Variants in CHSY1 observed in about 807,000 individuals in gnomAD.
The protein encoded by CHSY1 is N-acetylgalactosaminyl-proteoglycan 3-beta-glucuronosyltransferase 1.
Under a neutral mutation model 59.8 loss-of-function variants are expected in CHSY1, and 13 were observed. The ratio of observed to expected loss-of-function variants is 0.22; its 90% CI spans 0.14 to 0.35. The LOEUF is 0.35. Ranked by LOEUF, CHSY1 falls within the 10% of genes least tolerant of loss-of-function variation. The probability of loss-of-function intolerance (pLI) is 1.00; values close to 1 mark genes in which losing one functional copy is unlikely to be tolerated. For missense variants in CHSY1, 947 were observed against 1,030.6 expected, an observed-to-expected ratio of 0.92 and a Z score of 1.11; for synonymous variants, 459 against 401.2, an observed-to-expected ratio of 1.14 and a Z score of -1.72.
At chr15:101,200,615 C>G (rs1192732964) in intron 2 of CHSY1, among the ~76,000 whole-genome samples, 2 of 152,166 alleles carry the variant, frequency 1.3e-5, no homozygotes, top group African/African-American at 2.4e-5. Flanking sequence ...GGTCAGGGAC[C>G]AGACTCTTCC....
chr15:101,211,895 A>G (rs1019012106), intron 2 of CHSY1, among the ~76,000 whole-genome samples: 4 of 151,650 alleles, frequency 2.6e-5, no homozygotes, highest in African/African-American at 7.3e-5. Flanking sequence ...CCAATCTGGA[A>G]TTCTATACCT....
chr15:101,191,682 T>C (rs1266419129), intron 2 of CHSY1, among the ~76,000 whole-genome samples: 1 of 152,154 alleles, frequency 6.6e-6, no homozygotes, highest in Non-Finnish European at 1.5e-5. Flanking sequence ...CAGGCGCCAC[T>C]TGGGAAATCT....
At position 101,235,175 on chromosome 15, in the gene CHSY1, C is replaced by G; in HGVS notation, c.723G>C (p.Lys241Asn). Reference protein sequence around the residue: ...VLRRMVPHIGKCLREMYTTHE... With the variant: ...VLRRMVPHIGNCLREMYTTHE... Reference sequence around the variant, plus strand: ...GGGTGGTGTACATCTCCCGGAGACACTTGCCAATGTGCGGCACCATTCTCC... The same window carrying G: ...GGGTGGTGTACATCTCCCGGAGACAGTTGCCAATGTGCGGCACCATTCTCC... Residue 241 changes from lysine to asparagine, a missense_variant, in exon 2 of 3, where the codon AAG (lysine) becomes AAC (asparagine). Around this residue, in one of 4 missense-constraint regions of CHSY1, gnomAD observed 108 missense variants for 144.4 expected, o/e 0.75. Transcript: ENST00000254190. 2 of 1,614,144 alleles carry G rather than the reference C, an allele frequency of 1.2e-6. No homozygotes were observed. Among genetic ancestry groups the G allele is most frequent in the Admixed American group, 3.3e-5 (2 of 60,020 alleles).
chr15:101,222,815 C>A (rs4350553), intron 2 of CHSY1, among the ~76,000 whole-genome samples: 6,070 of 152,136 alleles, frequency 0.04, 345 homozygotes, highest in East Asian at 0.18. Flanking sequence ...CAAATGTGAC[C>A]CACTCCTGTG....
At chr15:101,249,510 ATTTTT>A (rs34753057) in intron 1 of CHSY1, among the ~76,000 whole-genome samples, 4 of 113,064 alleles carry the variant, frequency 3.5e-5, no homozygotes, top group African/African-American at 1.6e-4. Flanking sequence ...GATAGATAGA[ATTTTT>A]TTTTTTTTTT....
chr15:101,229,946 CTTT>C (rs796312516), intron 2 of CHSY1, among the ~76,000 whole-genome samples: 3 of 142,384 alleles, frequency 2.1e-5, no homozygotes, highest in East Asian at 2.0e-4. Flanking sequence ...CAATATCCCA[CTTT>C]TTTTTTTTTT....
At chr15:101,198,853 G>C (rs2038537819) in intron 2 of CHSY1, among the ~76,000 whole-genome samples, 1 of 152,158 alleles carries the variant, frequency 6.6e-6, no homozygotes, top group South Asian at 2.1e-4. Context: ...CTGGGAGCGA[G>C]ATCCCACGGC....
chr15:101,222,694 T>C (rs2038802046), intron 2 of CHSY1, among the ~76,000 whole-genome samples: 1 of 152,192 alleles, frequency 6.6e-6, no homozygotes, highest in Non-Finnish European at 1.5e-5. Context: ...ATCCCACCCC[T>C]TGGTTTTGTC....
chr15:101,182,053 T>C (rs1247875994), intron 2 of CHSY1, among the ~76,000 whole-genome samples: 1 of 152,214 alleles, frequency 6.6e-6, no homozygotes, highest in Non-Finnish European at 1.5e-5. Flanking sequence ...TGAGTTTACA[T>C]TGTCTGTTTA....
rs1381739127 is a variant in CHSY1 at position 101,251,420 on chromosome 15, G to A, written c.37C>T (p.Leu13=). ...ACGAAGCCCAGGACGAGCCCGAGCA[G>A]CACGCTGAGCCAGGCGCGCCGGCCG... is the stretch of plus-strand genomic sequence containing the variant. ...ARGRRAWLSV[L]LGLVLGFVLA... is the part of the protein sequence containing the mutation. Residue 13 remains leucine, a synonymous_variant, in exon 1 of 3, where the codon CTG becomes TTG. Transcript: ENST00000254190. 2 of 1,121,058 alleles carry A rather than the reference G, an allele frequency of 1.8e-6. No homozygotes were observed. The highest frequency in any genetic ancestry group is 2.2e-6 in the Non-Finnish European group (2 of 901,404). 69.4% of individuals were successfully genotyped at this position (1,121,058 alleles called of 1,614,324 possible).
chr15:101,178,245 G>C lies in CHSY1; in HGVS notation c.1552C>G (p.Gln518Glu), dbSNP rs1274574182. 6 of 1,614,058 alleles carry C rather than the reference G, an allele frequency of 3.7e-6. No homozygotes were observed. In the South Asian group the frequency reaches 4.4e-5, roughly 12 times the overall value. The change falls in exon 3 of 3, where the codon CAG (glutamine) becomes GAG (glutamate). Residue 518 changes from glutamine to glutamate, a missense_variant. This residue lies in a region of CHSY1 where 602 missense variants were observed against 676.9 expected (regional missense o/e 0.89). Coordinates refer to ENST00000254190, the MANE Select transcript of CHSY1 (RefSeq NM_014918.5). ...TGCTCACTCTTCGACCCAGGGAGCTGAAAGGGGACGAGCTTCTTCAGGGAG... is the reference window on the plus strand; with the variant it reads ...TGCTCACTCTTCGACCCAGGGAGCTCAAAGGGGACGAGCTTCTTCAGGGAG... ...SNSLKKLVPF[Q>E]LPGSKSEHKE...
intron 2 of CHSY1, among the ~76,000 whole-genome samples, chr15:101,218,315 G>C (rs1462957269): frequency 2.0e-5 from 3 of 152,248 alleles, no homozygotes; most frequent in Non-Finnish European, 1.5e-5. Flanking sequence ...AAACTCTCCA[G>C]CTGGGCACAG....
Position 101,178,029 on chromosome 15 carries a change from A to T in CHSY1, c.1768T>A (p.Tyr590Asn). The T allele has an allele frequency of 1.9e-6, 3 of 1,614,190 alleles. No individual in the cohort carries two copies. The highest frequency in any genetic ancestry group is 2.5e-6 in the Non-Finnish European group (3 of 1,180,046). ...KAKQVELMRD[Y>N]RIKYPKADMQ... ...TCGGCTTTAGGGTACTTAATGCGGT[A>T]ATCTCTCATCAGTTCAACTTGTTTG... The change falls in exon 3 of 3, where the codon TAC (tyrosine) becomes AAC (asparagine). Residue 590 changes from tyrosine (Y) to asparagine (N), a missense_variant. Around this residue, in one of 4 missense-constraint regions of CHSY1, gnomAD observed 602 missense variants for 676.9 expected, o/e 0.89. Transcript: ENST00000254190.
At chr15:101,238,329 A>G (rs920926223) in intron 1 of CHSY1, among the ~76,000 whole-genome samples, 20 of 152,248 alleles carry the variant, frequency 1.3e-4, no homozygotes, top group African/African-American at 4.8e-4. Flanking sequence ...ACTTACAATG[A>G]AGCACTTGGA....
intron 2 of CHSY1, among the ~76,000 whole-genome samples, chr15:101,209,694 T>C (rs1047178227): frequency 2.6e-5 from 4 of 152,236 alleles, no homozygotes; most frequent in African/African-American, 9.6e-5. Flanking sequence ...TGAATCTTTC[T>C]ATATTTTCTA....
At chr15:101,191,301 A>G (rs1010738020) in intron 2 of CHSY1, among the ~76,000 whole-genome samples, 4 of 152,256 alleles carry the variant, frequency 2.6e-5, no homozygotes, top group Non-Finnish European at 5.9e-5. Context: ...TACTAAGTAA[A>G]AGAAGCCAAA....
At chr15:101,180,103 T>C (rs1024440983) in intron 2 of CHSY1, among the ~76,000 whole-genome samples, 1 of 152,184 alleles carries the variant, frequency 6.6e-6, no homozygotes, top group Admixed American at 6.5e-5. Flanking sequence ...CTCTGGACAA[T>C]CATATGCTGA....
Position 101,251,990 on chromosome 15 carries a change from G to T in CHSY1, c.-534C>A, listed in dbSNP as rs1245810514. 6.6e-6 allele frequency: 1 copy of T among 151,106 alleles called. No individual in the cohort carries two copies. Among genetic ancestry groups the T allele is most frequent in the Admixed American group, 6.6e-5 (1 of 15,188 alleles). The allele number at this position is 151,106 out of a possible 1,614,324, so 9.4% of individuals were successfully genotyped here. On this transcript the variant is annotated 5_prime_UTR_variant, in exon 1 of 3. Coordinates refer to ENST00000254190, the MANE Select transcript of CHSY1 (RefSeq NM_014918.5). The stretch of plus-strand genomic sequence containing the variant: ...CGCGTTATGAAGTGGCCCCGCCGGC[G>T]GCGAGCCGTGGCCCCTCTCGGGATC...
intron 1 of CHSY1, among the ~76,000 whole-genome samples, chr15:101,248,641 T>C (rs2039074314): frequency 2.0e-5 from 3 of 151,856 alleles, no homozygotes; most frequent in Non-Finnish European, 4.4e-5. Context: ...AAATAATAAA[T>C]AAACAATGAG....
Sources: gnomAD v4.1 joint callset for allele counts (sites outside exome capture counted in the v4.1 genomes callset) on GRCh38, gnomAD v4.1.1 for gene constraint, gnomAD v4.1.1 regional missense constraint, MANE v1.5 for transcripts, NCBI Gene and HGNC (gene_info 2026-07-23, HGNC 2026-07-21) for gene names.